SFMBT1: variants seen among roughly 807,000 people sequenced by gnomAD.
SFMBT1 encodes Scm like with four mbt domains 1.
A neutral mutation model predicts 108.7 loss-of-function variants in SFMBT1; 32 were observed. The observed-to-expected ratio is 0.29, with a 90% CI of 0.22 to 0.40. The LOEUF is 0.40. SFMBT1 is among the 10% of genes least tolerant of loss of function. The probability of loss-of-function intolerance (pLI) is 1.00; values close to 1 mark genes in which losing one functional copy is unlikely to be tolerated. For synonymous variants in SFMBT1, 348 were observed against 369.5 expected, an observed-to-expected ratio of 0.94 and a Z score of 0.67; for missense variants, 816 against 1,059.6, an observed-to-expected ratio of 0.77 and a Z score of 3.19.
intron 1 of SFMBT1, among the ~76,000 whole-genome samples, chr3:52,993,632 A>G (rs1383959308): frequency 6.7e-6 from 1 of 150,086 alleles, no homozygotes; most frequent in African/African-American, 2.4e-5. Flanking sequence ...TAGAAACACT[A>G]CAAAGTTACT....
chr3:52,919,597 G>C (rs1284230785), intron 12 of SFMBT1, among the ~76,000 whole-genome samples: 2 of 152,214 alleles, frequency 1.3e-5, no homozygotes, highest in Non-Finnish European at 2.9e-5. Context: ...TACGTCAATT[G>C]TAACACCAGA....
At chr3:52,937,813 C>T (rs1226257875) in intron 4 of SFMBT1, among the ~76,000 whole-genome samples, 1 of 152,100 alleles carries the variant, frequency 6.6e-6, no homozygotes, top group East Asian at 1.9e-4. Flanking sequence ...GATCTCCTAA[C>T]CTCGTGATCC....
In SFMBT1 at chr3:52,904,321, C is replaced by T. The variant is rs555745084; in HGVS notation, c.*815G>A. On this transcript the variant is annotated 3_prime_UTR_variant, in exon 21 of 21. Transcript: ENST00000394752. Reference sequence around the variant, plus strand: ...TGATGTTACTTAACACAGGCAGCCTCGGCTGGGTCAAGATGGAGAACAGTA... The same window carrying T: ...TGATGTTACTTAACACAGGCAGCCTTGGCTGGGTCAAGATGGAGAACAGTA... 3.9e-5 allele frequency: 6 copies of T among 152,166 alleles called. No homozygotes were observed. Among genetic ancestry groups the T allele is most frequent in the African/African-American group, 9.7e-5 (4 of 41,424 alleles). 9.4% of individuals were successfully genotyped at this position (152,166 alleles called of 1,614,324 possible).
rs765640976 is a variant in SFMBT1 at position 52,943,466 on chromosome 3, T to G, written c.251A>C (p.Tyr84Ser). 1 of 1,614,220 alleles carries G rather than the reference T, an allele frequency of 6.2e-7. No homozygotes were observed. Among genetic ancestry groups the G allele is most frequent in the Non-Finnish European group, 8.5e-7 (1 of 1,180,032 alleles). The change falls in exon 4 of 21, where the codon TAT becomes TCT. Residue 84 changes from tyrosine to serine, a missense_variant. Physicochemically the swap from Tyr to Ser is moderately radical, Grantham distance 144. This residue lies in a region of SFMBT1 where 495 missense variants were observed against 607.4 expected (regional missense o/e 0.81). Coordinates refer to ENST00000394752, the MANE Select transcript of SFMBT1 (RefSeq NM_016329.4). ...TCTCCGATCCTCCCCATAGCCATCA[T>G]AGCGGAGAAGGAGCAACTGCTCACA... ...TTCEQLLLLR[Y>S]DGYGEDRRAD...
intron 1 of SFMBT1, among the ~76,000 whole-genome samples, chr3:52,991,339 C>CTTT (rs1321070989): frequency 4.6e-4 from 29 of 62,640 alleles, no homozygotes; most frequent in African/African-American, 5.9e-4. Context: ...CATGCTGAAA[C>CTTT]TTCTTTTTTT....
intron 3 of SFMBT1, among the ~76,000 whole-genome samples, chr3:52,951,889 G>T (rs1703607191): frequency 1.3e-5 from 2 of 152,216 alleles, no homozygotes; most frequent in Admixed American, 1.3e-4. Context: ...TTTATGGCCA[G>T]TTTTGGGGCC....
chr3:52,975,822 G>C (rs189735732), intron 1 of SFMBT1, among the ~76,000 whole-genome samples: 1 of 151,970 alleles, frequency 6.6e-6, no homozygotes. Flanking sequence ...GGCTGGTCTC[G>C]AACTCCTGAC....
chr3:52,952,814 T>C (rs1021599440), intron 3 of SFMBT1, among the ~76,000 whole-genome samples: 2 of 152,224 alleles, frequency 1.3e-5, no homozygotes, highest in Non-Finnish European at 2.9e-5. Flanking sequence ...TTTCAACATA[T>C]AAATTTTGGG....
intron 1 of SFMBT1, among the ~76,000 whole-genome samples, chr3:52,998,643 G>A (rs1279867059): frequency 2.0e-5 from 3 of 150,360 alleles, no homozygotes; most frequent in African/African-American, 4.8e-5. Flanking sequence ...ACCCACCTGG[G>A]CCAATGGACT....
At chr3:52,926,944 T>C (rs577212554) in intron 9 of SFMBT1, among the ~76,000 whole-genome samples, 2 of 152,284 alleles carry the variant, frequency 1.3e-5, no homozygotes, top group East Asian at 3.9e-4. Context: ...CCAACCTCAA[T>C]GCCTGACAGT....
rs185960558 is a variant in SFMBT1, at chr3:52,955,447, A to G, written c.29-1036T>C. On this transcript the variant is annotated intron_variant, in intron 2 of 20. Transcript: ENST00000394752. ...TAAATAAATAAATAAATAATAAAAT[A>G]GAACACTAACTAGACTAATAAAGAA... is the stretch of plus-strand genomic sequence containing the variant. 2.3e-3 allele frequency among the ~76,000 whole-genome samples: 346 copies of G among 151,864 alleles called. 1 individual carries two copies. Among genetic ancestry groups the G allele is most frequent in the African/African-American group, 7.3e-3 (305 of 41,530 alleles).
intron 8 of SFMBT1, among the ~76,000 whole-genome samples, chr3:52,929,253 T>C (rs988802270): frequency 1.3e-5 from 2 of 152,202 alleles, no homozygotes; most frequent in African/African-American, 4.8e-5. Flanking sequence ...TATTTATTTA[T>C]TTAGAGACGG....
At chr3:52,927,452 T>C (rs1463406150) in intron 9 of SFMBT1, among the ~76,000 whole-genome samples, 5 of 152,192 alleles carry the variant, frequency 3.3e-5, no homozygotes, top group African/African-American at 7.2e-5. Flanking sequence ...TTTAGAAAAG[T>C]GATGCTATGC....
At chr3:52,961,134 A>C (rs1245207429) in intron 2 of SFMBT1, among the ~76,000 whole-genome samples, 1 of 150,946 alleles carries the variant, frequency 6.6e-6, no homozygotes, top group African/African-American at 2.4e-5. Flanking sequence ...CATCCTCCCA[A>C]AAATAAAGTT....
At chr3:52,984,663 AATACT>A (rs1445392417) in intron 1 of SFMBT1, among the ~76,000 whole-genome samples, 1 of 150,066 alleles carries the variant, frequency 6.7e-6, no homozygotes, top group East Asian at 1.9e-4. Flanking sequence ...TACTATAATG[AATACT>A]ATATTGAATA....
chr3:52,990,759 T>A (rs1705092049), intron 1 of SFMBT1, among the ~76,000 whole-genome samples: 1 of 152,132 alleles, frequency 6.6e-6, no homozygotes, highest in Admixed American at 6.5e-5. Flanking sequence ...AATACTATTA[T>A]CAAAGCTAAG....
chr3:52,925,607 G>A (rs935651527), intron 10 of SFMBT1, among the ~76,000 whole-genome samples: 6 of 152,190 alleles, frequency 3.9e-5, no homozygotes, highest in Non-Finnish European at 7.3e-5. Flanking sequence ...ACTGTGAAAC[G>A]GGGTAGGGCA....
intron 9 of SFMBT1, 97 bp downstream of exon 9, chr3:52,928,094 G>A: frequency 6.8e-7 from 1 of 1,478,980 alleles, no homozygotes; most frequent in Non-Finnish European, 9.1e-7. Context: ...GGCTAGGGCA[G>A]GAGGAGAGGG....
In SFMBT1 at chr3:52,926,278, A is replaced by T. The variant is rs3733036; in HGVS notation, c.1049-165T>A. Among the ~76,000 whole-genome samples, 382 of 152,336 alleles carry T rather than the reference A, an allele frequency of 2.5e-3. 11 individuals carry two copies. The East Asian group carries it at 0.063, about 25-fold the overall frequency. On this transcript the variant is annotated intron_variant, in intron 9 of 20. Transcript: ENST00000394752. ...ATTCTATAAATCTAGAGCACTGTTA[A>T]TTTTATAAAATAGAGCAACTCTGGT...
Sources: allele counts gnomAD v4.1 joint callset (sites outside exome capture counted in the v4.1 genomes callset), GRCh38; gene constraint gnomAD v4.1.1; regional missense constraint gnomAD v4.1.1; transcripts MANE v1.5; gene names NCBI Gene and HGNC (gene_info 2026-07-23, HGNC 2026-07-21).